The following NCALD variants were observed in gnomAD, a reference collection of about 807,000 sequenced individuals.
NCALD encodes neurocalcin delta.
In NCALD, 10 loss-of-function variants were observed where a neutral mutation model predicts 18.6. The ratio of observed to expected loss-of-function variants is 0.54; its 90% CI spans 0.33 to 0.91. The LOEUF is 0.91. NCALD is among the 40% of genes least tolerant of loss of function. The pLI is 0.03. For synonymous variants in NCALD, 88 were observed against 87.4 expected (o/e 1.01, Z -0.04); for missense variants, 184 against 247.6 (o/e 0.74, Z 1.72).
chr8:102,025,833 C>T (rs1822434614), intron 1 of NCALD, among the ~76,000 whole-genome samples: 1 of 152,130 alleles, frequency 6.6e-6, no homozygotes, highest in East Asian at 1.9e-4. Context: ...TCCATTCTGA[C>T]ACTGCTATAA....
At chr8:101,863,233 G>A (rs1815618842) in intron 4 of NCALD, among the ~76,000 whole-genome samples, 2 of 152,140 alleles carry the variant, frequency 1.3e-5, no homozygotes, top group Non-Finnish European at 2.9e-5. Context: ...GAGGAAGATT[G>A]GAGCCCATCT....
intron 4 of NCALD, among the ~76,000 whole-genome samples, chr8:101,866,167 C>A (rs894502595): frequency 1.3e-5 from 2 of 152,248 alleles, no homozygotes; most frequent in African/African-American, 4.8e-5. Context: ...ATGGTCAATT[C>A]TCAGCCTCAC....
chr8:101,763,706 A>T (rs1423883919), intron 1 of NCALD, among the ~76,000 whole-genome samples: 1 of 152,148 alleles, frequency 6.6e-6, no homozygotes, highest in Non-Finnish European at 1.5e-5. Context: ...ATGGAACAAA[A>T]ATCTGACCCT....
chr8:102,058,387 A>G (rs1208085817), intron 1 of NCALD, among the ~76,000 whole-genome samples: 1 of 152,232 alleles, frequency 6.6e-6, no homozygotes, highest in Non-Finnish European at 1.5e-5. Flanking sequence ...TAAATAAAAT[A>G]ATAAAAACTA....
chr8:102,069,398 C>A (rs1824110084), intron 1 of NCALD, among the ~76,000 whole-genome samples: 1 of 151,970 alleles, frequency 6.6e-6, no homozygotes, highest in Non-Finnish European at 1.5e-5. Context: ...GACAATGGAG[C>A]AGGTAAACAA....
At position 102,018,976 on chromosome 8, in the gene NCALD, G is replaced by A. The variant is rs145802103; in HGVS notation, c.-157+1261C>T. Among the ~76,000 whole-genome samples, 559 of 152,118 alleles carry A rather than the reference G, an allele frequency of 3.7e-3. 3 individuals are homozygous for A. Among genetic ancestry groups the A allele is most frequent in the African/African-American group, 0.012 (516 of 41,532 alleles). ...AGTAAAAAGGTAAACCACAGAAAAA[G>A]AGAAGATATTTGTAACACATACATC... On this transcript the variant is annotated intron_variant, in intron 2 of 6. Transcript: ENST00000311028.
chr8:101,697,090 C>T (rs953511094), intron 2 of NCALD, among the ~76,000 whole-genome samples: 8 of 151,486 alleles, frequency 5.3e-5, no homozygotes, highest in African/African-American at 1.9e-4. Context: ...CAAATAGACA[C>T]AATAAAAAAT....
At chr8:102,023,503 G>A (rs1822349905) in intron 1 of NCALD, among the ~76,000 whole-genome samples, 1 of 152,236 alleles carries the variant, frequency 6.6e-6, no homozygotes, top group Non-Finnish European at 1.5e-5. Flanking sequence ...ATAAAAGGAG[G>A]AGAGAGGCTG....
At chr8:101,787,359 A>G (rs1019183867) in intron 1 of NCALD, among the ~76,000 whole-genome samples, 3 of 152,334 alleles carry the variant, frequency 2.0e-5, no homozygotes, top group African/African-American at 7.2e-5. Flanking sequence ...CTTTGAGAAC[A>G]CACGAAGACA....
At chr8:101,734,941 A>G (rs760620008) in intron 1 of NCALD, among the ~76,000 whole-genome samples, 2 of 152,220 alleles carry the variant, frequency 1.3e-5, no homozygotes, top group African/African-American at 4.8e-5. Flanking sequence ...GCAAGAAAAT[A>G]CTGATTTTGG....
At chr8:101,721,733 C>G (rs1305109636) in intron 1 of NCALD, among the ~76,000 whole-genome samples, 1 of 152,150 alleles carries the variant, frequency 6.6e-6, no homozygotes, top group Non-Finnish European at 1.5e-5. Flanking sequence ...GACTTCTGCA[C>G]TGGAGGCAAA....
chr8:102,016,267 G>C (rs1045851381), intron 2 of NCALD, among the ~76,000 whole-genome samples: 1 of 152,126 alleles, frequency 6.6e-6, no homozygotes, highest in African/African-American at 2.4e-5. Flanking sequence ...ACAGATACAA[G>C]GCAAAGGTTG....
chr8:101,975,698 G>GC (rs1487168821), intron 2 of NCALD, among the ~76,000 whole-genome samples: 1 of 152,194 alleles, frequency 6.6e-6, no homozygotes, highest in East Asian at 1.9e-4. Flanking sequence ...TTGGGACAGT[G>GC]CAGAGGTTCA....
In NCALD at chr8:101,916,508, A is replaced by G. The variant is rs1817975254; in HGVS notation, c.-156-650T>C. ...CAGCTAACAACTTATGATAGGATCA[A>G]AACCTTACATATCACTATTACTTGA... On this transcript the variant is annotated intron_variant, in intron 2 of 6. Transcript: ENST00000311028. 2.0e-5 allele frequency among the ~76,000 whole-genome samples: 3 copies of G among 152,146 alleles called. No individual in the cohort carries two copies. The South Asian group carries it at 6.2e-4, about 32-fold the overall frequency.
At chr8:101,700,834 C>A (rs1214215676) in intron 2 of NCALD, among the ~76,000 whole-genome samples, 2 of 152,156 alleles carry the variant, frequency 1.3e-5, no homozygotes, top group Non-Finnish European at 2.9e-5. Flanking sequence ...CTACTTCCCC[C>A]ACAAAATGAA....
chr8:102,012,246 C>A (rs1229396027), intron 2 of NCALD, among the ~76,000 whole-genome samples: 1 of 152,196 alleles, frequency 6.6e-6, no homozygotes, highest in African/African-American at 2.4e-5. Context: ...CCGAATGTCA[C>A]CTGATTCTCC....
intron 2 of NCALD, among the ~76,000 whole-genome samples, chr8:101,969,305 C>T (rs1341357915): frequency 2.6e-5 from 4 of 152,176 alleles, no homozygotes; most frequent in South Asian, 2.1e-4. Flanking sequence ...CCTGTATTAG[C>T]TGGTGAATTC....
At chr8:101,879,536 AG>A (rs1816387987) in intron 4 of NCALD, among the ~76,000 whole-genome samples, 1 of 152,172 alleles carries the variant, frequency 6.6e-6, no homozygotes, top group African/African-American at 2.4e-5. Context: ...GAGCTGCAAA[AG>A]GGAAAAACAC....
intron 4 of NCALD, among the ~76,000 whole-genome samples, chr8:101,825,889 T>A (rs1207228374): frequency 1.3e-5 from 2 of 152,184 alleles, no homozygotes; most frequent in Non-Finnish European, 2.9e-5. Context: ...CTTTATTTTT[T>A]AAAAAAGAAA....
Sources: allele counts gnomAD v4.1 joint callset (sites outside exome capture counted in the v4.1 genomes callset), GRCh38; gene constraint gnomAD v4.1.1; transcripts MANE v1.5; gene names NCBI Gene and HGNC (gene_info 2026-07-23, HGNC 2026-07-21).